The following DNAH11 variants were observed in gnomAD, a reference collection of about 807,000 sequenced individuals.
The protein encoded by DNAH11 is dynein axonemal heavy chain 11.
A neutral mutation model predicts 526.0 loss-of-function variants in DNAH11; 442 were observed. That is an observed-to-expected ratio of 0.84 (90% CI 0.78 to 0.91). DNAH11 has a LOEUF of 0.91. Ranked by LOEUF, DNAH11 falls within the 40% of genes least tolerant of loss-of-function variation. DNAH11 has a pLI of 0.00. For missense variants in DNAH11, 6,989 were observed against 5,448.7 expected, an observed-to-expected ratio of 1.28 and a Z score of -8.90; for synonymous variants, 2,461 against 1,935.9, an observed-to-expected ratio of 1.27 and a Z score of -7.12.
chr7:21,626,880 A>C (rs1194086472), intron 25 of DNAH11, among the ~76,000 whole-genome samples: 1 of 150,010 alleles, frequency 6.7e-6, no homozygotes, highest in Non-Finnish European at 1.5e-5. Flanking sequence ...CCTCCCAAGT[A>C]GCTGGGACTA....
At chr7:21,605,861 A>C (rs1401519434) in intron 18 of DNAH11, among the ~76,000 whole-genome samples, 1 of 152,174 alleles carries the variant, frequency 6.6e-6, no homozygotes, top group Non-Finnish European at 1.5e-5. Flanking sequence ...ATTTCCATGG[A>C]TTCTGAGATG....
chr7:21,882,051 C>A (rs890235827), intron 75 of DNAH11, among the ~76,000 whole-genome samples: 8 of 152,122 alleles, frequency 5.3e-5, no homozygotes, highest in Admixed American at 2.0e-4. Context: ...AAAATTATAA[C>A]AGTTCTAGGT....
intron 65 of DNAH11, among the ~76,000 whole-genome samples, chr7:21,823,904 C>T (rs1038434558): frequency 2.0e-5 from 3 of 152,112 alleles, no homozygotes; most frequent in African/African-American, 4.8e-5. Context: ...CTTCAGGGTG[C>T]CTGCTAAAAC....
At chr7:21,735,124 C>T (rs1785546002) in intron 45 of DNAH11, among the ~76,000 whole-genome samples, 1 of 152,158 alleles carries the variant, frequency 6.6e-6, no homozygotes, top group Non-Finnish European at 1.5e-5. Context: ...GAGCCATGAT[C>T]ATGCCACTGC....
chr7:21,894,789 T>A lies in DNAH11; in HGVS notation c.12917T>A (p.Leu4306Gln), dbSNP rs1784448865. The change falls in exon 78 of 82, where the codon CTG (leucine) becomes CAG (glutamine). Residue 4306 changes from leucine (L) to glutamine (Q), a missense_variant. Physicochemically the swap from Leu to Gln is moderately radical, Grantham distance 113. Coordinates refer to ENST00000409508, the MANE Select transcript of DNAH11 (RefSeq NM_001277115.2). ...IREIRISLEQ[L>Q]DLSLKGELAL... ...GAAATACGTATATCACTTGAACAAC[T>A]GGACCTTAGTTTGAAGGTAAGCTTA... The A allele has an allele frequency of 1.2e-6, 2 of 1,609,536 alleles. No homozygotes were observed. Among genetic ancestry groups the A allele is most frequent in the Non-Finnish European group, 1.7e-6 (2 of 1,177,332 alleles).
At chr7:21,831,618 C>T (rs1781773544) in intron 65 of DNAH11, among the ~76,000 whole-genome samples, 1 of 152,192 alleles carries the variant, frequency 6.6e-6, no homozygotes, top group Non-Finnish European at 1.5e-5. Flanking sequence ...ATTAACCTCT[C>T]TTTTCACAGA....
At position 21,816,475 on chromosome 7, in the gene DNAH11, T is replaced by C; in HGVS notation, c.10341T>C (p.Ile3447=). ...WVPFLQQKVS[I]PLTEGLDLIS... ...CAACTCTGATTTTAAAGGTTTCCAT[T>C]CCACTAACCGAAGGCCTGGACTTGA... Residue 3447 remains isoleucine (I), a synonymous_variant, in exon 64 of 82, where the codon ATT becomes ATC. Coordinates refer to ENST00000409508, the MANE Select transcript of DNAH11 (RefSeq NM_001277115.2). 2 of 1,603,780 alleles carry C rather than the reference T, an allele frequency of 1.2e-6. No individual in the cohort carries two copies. The highest frequency in any genetic ancestry group is 2.2e-5 in the East Asian group (1 of 44,528).
chr7:21,615,841 A>G (rs1785748886), intron 21 of DNAH11, among the ~76,000 whole-genome samples: 1 of 152,170 alleles, frequency 6.6e-6, no homozygotes, highest in African/African-American at 2.4e-5. Flanking sequence ...TTTGTTTATA[A>G]TGGTTGAAAA....
chr7:21,660,583 A>T (rs1782201718), intron 30 of DNAH11, among the ~76,000 whole-genome samples: 1 of 151,992 alleles, frequency 6.6e-6, no homozygotes, highest in Non-Finnish European at 1.5e-5. Flanking sequence ...AAAAGAAGGG[A>T]CATAACATTT....
intron 55 of DNAH11, among the ~76,000 whole-genome samples, chr7:21,767,455 T>C (rs534429247): frequency 6.6e-6 from 1 of 152,304 alleles, no homozygotes; most frequent in African/African-American, 2.4e-5. Context: ...CCGTTGACCG[T>C]TGACATCTGC....
Position 21,599,895 on chromosome 7 carries a change from G to A in DNAH11, c.2776G>A (p.Asp926Asn), listed in dbSNP as rs752195932. The A allele has an allele frequency of 2.2e-5, 36 of 1,609,844 alleles. No individual in the cohort carries two copies. The highest frequency in any genetic ancestry group is 3.0e-5 in the Non-Finnish European group (35 of 1,177,416). ...VEGFFQAIMH[D>N]LDFFLKNTEK... The stretch of plus-strand genomic sequence containing the variant: ...AGGCTTTTTTCAGGCTATAATGCAC[G>A]ACTTAGACTTCTTTCTGAAGAATAC... The change falls in exon 15 of 82, where the codon GAC (aspartate) becomes AAC (asparagine). Residue 926 changes from aspartate (D) to asparagine (N), a missense_variant. By Grantham distance (23) the Asp-to-Asn change is conservative. Transcript: ENST00000409508.
At chr7:21,881,038 A>T in intron 75 of DNAH11, 145 bp downstream of exon 75, 1 of 784,350 alleles carries the variant, frequency 1.3e-6, no homozygotes, top group Non-Finnish European at 1.9e-6. Context: ...CCAAGTGTGA[A>T]AATAAACCAG....
At chr7:21,815,675 C>G (rs1789751593) in intron 63 of DNAH11, among the ~76,000 whole-genome samples, 1 of 152,126 alleles carries the variant, frequency 6.6e-6, no homozygotes, top group Admixed American at 6.5e-5. Context: ...TTTGGTGTCT[C>G]TAGACAGTGT....
chr7:21,843,195 G>T (rs1782280987), intron 66 of DNAH11, among the ~76,000 whole-genome samples: 1 of 152,128 alleles, frequency 6.6e-6, no homozygotes, highest in Non-Finnish European at 1.5e-5. Context: ...TGAAAATACT[G>T]AAATTTAGTG....
intron 57 of DNAH11, among the ~76,000 whole-genome samples, chr7:21,780,269 G>T (rs965750597): frequency 6.6e-6 from 1 of 151,988 alleles, no homozygotes; most frequent in Non-Finnish European, 1.5e-5. Context: ...TATATTATTG[G>T]GCTGAGTACA....
At chr7:21,781,719 G>A in intron 57 of DNAH11, among the ~76,000 whole-genome samples, 1 of 152,148 alleles carries the variant, frequency 6.6e-6, no homozygotes, top group East Asian at 1.9e-4. Flanking sequence ...GCAGACAAGT[G>A]CACTGTATCC....
In DNAH11 at chr7:21,862,004, T is replaced by C. The variant is rs1237580602; in HGVS notation, c.11354T>C (p.Leu3785Pro). The C allele has an allele frequency of 1.9e-6, 3 of 1,612,714 alleles. No individual in the cohort carries two copies. Among genetic ancestry groups the C allele is most frequent in the Non-Finnish European group, 2.5e-6 (3 of 1,179,338 alleles). Reference protein sequence around the residue: ...ALFEKDKLTFLSQMAFQILLR... With the variant: ...ALFEKDKLTFPSQMAFQILLR... Reference sequence around the variant, plus strand: ...TTTGAGAAGGACAAGCTCACCTTCCTGTCCCAGATGGCTTTTCAGGTAAGG... The same window carrying C: ...TTTGAGAAGGACAAGCTCACCTTCCCGTCCCAGATGGCTTTTCAGGTAAGG... Residue 3785 changes from leucine (L) to proline (P), a missense_variant, in exon 69 of 82, where the codon CTG becomes CCG. Coordinates refer to ENST00000409508, the MANE Select transcript of DNAH11 (RefSeq NM_001277115.2).
chr7:21,589,424 G>A (rs759181076), intron 12 of DNAH11, 21 bp downstream of exon 12: 1 of 1,577,136 alleles, frequency 6.3e-7, no homozygotes, highest in Non-Finnish European at 8.6e-7. Flanking sequence ...GATTTTTTAA[G>A]ATGATTTATA....
chr7:21,886,235 ATCAG>A (rs1399746104), intron 76 of DNAH11, among the ~76,000 whole-genome samples: 1 of 152,202 alleles, frequency 6.6e-6, no homozygotes, highest in African/African-American at 2.4e-5. Context: ...ATATAATCAT[ATCAG>A]TCTAATATTT....
Sources: gnomAD v4.1 joint callset for allele counts (sites outside exome capture counted in the v4.1 genomes callset) on GRCh38, gnomAD v4.1.1 for gene constraint, MANE v1.5 for transcripts, NCBI Gene and HGNC (gene_info 2026-07-23, HGNC 2026-07-21) for gene names.